Variants in NLGN1 observed in about 807,000 individuals in gnomAD.
NLGN1 encodes the protein neuroligin 1.
A neutral mutation model predicts 65.5 loss-of-function variants in NLGN1; 12 were observed. That is an observed-to-expected ratio of 0.18 (90% CI 0.12 to 0.30). NLGN1 has a LOEUF of 0.30. Among genes scored for constraint, NLGN1 ranks in the 10% least tolerant of loss-of-function variants. NLGN1 has a pLI of 1.00. For synonymous variants in NLGN1, 350 were observed against 359.5 expected (o/e 0.97, Z 0.30); for missense variants, 750 against 1,007.1 (o/e 0.74, Z 3.46).
intron 4 of NLGN1, among the ~76,000 whole-genome samples, chr3:173,959,865 G>C (rs970469191): frequency 6.6e-6 from 1 of 151,976 alleles, no homozygotes; most frequent in African/African-American, 2.4e-5. Context: ...TAAGGAAATT[G>C]CTTTTAAACC....
intron 3 of NLGN1, among the ~76,000 whole-genome samples, chr3:173,805,421 T>G (rs1217217597): frequency 2.0e-5 from 3 of 152,192 alleles, no homozygotes; most frequent in East Asian, 3.9e-4. Flanking sequence ...CAGTAATCCT[T>G]TTAAGTCTAA....
chr3:173,630,006 A>G (rs1219445248), intron 3 of NLGN1, among the ~76,000 whole-genome samples: 1 of 152,172 alleles, frequency 6.6e-6, no homozygotes, highest in Non-Finnish European at 1.5e-5. Context: ...TTTGAGAAGT[A>G]TTTTCTATTT....
At chr3:173,959,751 A>G (rs958840688) in intron 4 of NLGN1, among the ~76,000 whole-genome samples, 1 of 152,164 alleles carries the variant, frequency 6.6e-6, no homozygotes, top group Non-Finnish European at 1.5e-5. Flanking sequence ...ATGTTTTGGT[A>G]TCACAGTTTT....
chr3:174,211,264 C>T (rs1445906274), intron 4 of NLGN1, among the ~76,000 whole-genome samples: 1 of 152,172 alleles, frequency 6.6e-6, no homozygotes, highest in African/African-American at 2.4e-5. Flanking sequence ...TGCTTTTATT[C>T]TCTTATCTGG....
chr3:173,869,158 G>A (rs985930850), intron 4 of NLGN1, among the ~76,000 whole-genome samples: 3 of 152,108 alleles, frequency 2.0e-5, no homozygotes, highest in Non-Finnish European at 1.5e-5. Flanking sequence ...TAATTTGTAA[G>A]TACAGATAAA....
intron 3 of NLGN1, among the ~76,000 whole-genome samples, chr3:173,755,464 C>A (rs1030650822): frequency 6.6e-6 from 1 of 151,974 alleles, no homozygotes; most frequent in African/African-American, 2.4e-5. Flanking sequence ...AAATAATTGC[C>A]TATTTCACTT....
chr3:173,716,059 C>T (rs1188191624), intron 3 of NLGN1, among the ~76,000 whole-genome samples: 4 of 152,008 alleles, frequency 2.6e-5, no homozygotes. Context: ...ACAATTCTAC[C>T]ATTCATACAA....
intron 2 of NLGN1, among the ~76,000 whole-genome samples, chr3:173,517,750 TTATC>T (rs368708618): frequency 0.12 from 17,875 of 147,134 alleles, 1,084 homozygotes; most frequent in Non-Finnish European, 0.13. Flanking sequence ...TTTCGCAAAT[TTATC>T]TATCTATCTA....
In NLGN1 at chr3:173,450,754, T is replaced by A. The variant is rs146796925; in HGVS notation, c.-321+15676T>A. Among the ~76,000 whole-genome samples the A allele has an allele frequency of 3.5e-3, 537 of 152,290 alleles. 2 individuals are homozygous for A. The highest frequency in any genetic ancestry group is 0.012 in the African/African-American group (478 of 41,562). The stretch of plus-strand genomic sequence containing the variant: ...AGTCCCGTATTTCTTGGAGGCTTTG[T>A]TCATTTCTTTTTATTCTTTTTTCTC... On this transcript the variant is annotated intron_variant, in intron 2 of 6. Coordinates refer to ENST00000457714, the Ensembl canonical transcript of NLGN1.
chr3:174,138,513 C>T (rs1283360889), intron 4 of NLGN1, among the ~76,000 whole-genome samples: 1 of 149,734 alleles, frequency 6.7e-6, no homozygotes, highest in Non-Finnish European at 1.5e-5. Flanking sequence ...CTGCACACTA[C>T]AAGCTCCGCC....
chr3:174,006,581 G>T (rs542016372), intron 4 of NLGN1, among the ~76,000 whole-genome samples: 1 of 151,990 alleles, frequency 6.6e-6, no homozygotes, highest in South Asian at 2.1e-4. Flanking sequence ...TATTTTAGTC[G>T]CCAACCAACC....
At chr3:174,181,273 T>G (rs1033045774) in intron 4 of NLGN1, among the ~76,000 whole-genome samples, 1 of 152,176 alleles carries the variant, frequency 6.6e-6, no homozygotes, top group Non-Finnish European at 1.5e-5. Flanking sequence ...TCCATAAGTC[T>G]GCTTTCTCCC....
At chr3:174,070,430 C>G (rs914092200) in intron 4 of NLGN1, among the ~76,000 whole-genome samples, 16 of 151,570 alleles carry the variant, frequency 1.1e-4, no homozygotes, top group African/African-American at 3.9e-4. Context: ...TTCCTGGGTT[C>G]AAGTGATTCT....
chr3:173,962,100 G>C (rs1026262557), intron 4 of NLGN1, among the ~76,000 whole-genome samples: 2 of 152,056 alleles, frequency 1.3e-5, no homozygotes, highest in African/African-American at 4.8e-5. Context: ...AAATTAATTT[G>C]GTTTTTGAAA....
intron 4 of NLGN1, among the ~76,000 whole-genome samples, chr3:174,102,109 T>A (rs2152575252): frequency 1.3e-5 from 2 of 152,268 alleles, no homozygotes; most frequent in South Asian, 4.1e-4. Flanking sequence ...AAGTTTAGAT[T>A]TTCCACCCTC....
chr3:173,462,521 T>C (rs1723579571), intron 2 of NLGN1, among the ~76,000 whole-genome samples: 1 of 152,180 alleles, frequency 6.6e-6, no homozygotes, highest in Admixed American at 6.6e-5. Flanking sequence ...TGCATTTCCT[T>C]GAATTCTTCA....
chr3:174,208,166 C>T (rs778708073), intron 4 of NLGN1, among the ~76,000 whole-genome samples: 8 of 152,104 alleles, frequency 5.3e-5, no homozygotes, highest in Non-Finnish European at 1.0e-4. Flanking sequence ...ATGCTTCCTG[C>T]GTGACCACCC....
rs532887443 is a variant in NLGN1 at position 174,031,498 on chromosome 3, A to G, written c.646+223666A>G. Among the ~76,000 whole-genome samples, 8 of 152,310 alleles carry G rather than the reference A, an allele frequency of 5.3e-5. No individual in the cohort carries two copies. In the South Asian group the frequency reaches 1.7e-3, roughly 32 times the overall value. Reference sequence around the variant, plus strand: ...CAACAAATAAGAAAGAGGCAAATTGAAGACTTTTCAGGAGAAAACGACAAC... The same window carrying G: ...CAACAAATAAGAAAGAGGCAAATTGGAGACTTTTCAGGAGAAAACGACAAC... On this transcript the variant is annotated intron_variant, in intron 4 of 6. Transcript: ENST00000457714.
intron 2 of NLGN1, among the ~76,000 whole-genome samples, chr3:173,580,348 T>C (rs1024649241): frequency 8.5e-5 from 13 of 152,114 alleles, no homozygotes; most frequent in African/African-American, 2.9e-4. Flanking sequence ...TAAATTGGAA[T>C]GCCCTATAGT....
Sources: allele counts gnomAD v4.1 joint callset (sites outside exome capture counted in the v4.1 genomes callset), GRCh38; gene constraint gnomAD v4.1.1; transcripts MANE v1.5; gene names NCBI Gene and HGNC (gene_info 2026-07-23, HGNC 2026-07-21).